RPL30: variants seen among roughly 807,000 people sequenced by gnomAD.
The protein encoded by RPL30 is large ribosomal subunit protein eL30.
For synonymous variants in RPL30, 40 were observed against 50.4 expected (o/e 0.79, Z 0.87); for missense variants, 60 against 138.0 (o/e 0.43, Z 2.83).
At chr8:98,041,871 A>AACT in intron 4 of RPL30, 21 bp from the exon 5 acceptor site, 1 of 1,540,246 alleles carries the variant, frequency 6.5e-7, no homozygotes, top group Non-Finnish European at 8.9e-7. Flanking sequence ...AAAATAAAAA[A>AACT]ACAGTAATTT....
chr8:98,042,008 T>G (rs1338168210), intron 4 of RPL30, 158 bp from the exon 5 acceptor site: 2 of 719,858 alleles, frequency 2.8e-6, no homozygotes, highest in Non-Finnish European at 5.0e-6. Flanking sequence ...GTACTGTCAT[T>G]TTTCTTAAGG....
intron 3 of RPL30, chr8:98,044,463 G>A (rs1814439180): frequency 6.4e-6 from 1 of 155,434 alleles, no homozygotes; most frequent in Non-Finnish European, 1.4e-5. Flanking sequence ...TTTCAAAACA[G>A]TGAGTCAAGC....
At chr8:98,043,026 A>G (rs925947498) in intron 3 of RPL30, 1 of 310,234 alleles carries the variant, frequency 3.2e-6, no homozygotes, top group Non-Finnish European at 5.9e-6. Flanking sequence ...ATCAATACTC[A>G]CGGAAGAGGG....
chr8:98,045,291 T>C (rs931005965), intron 2 of RPL30, 56 bp downstream of exon 2: 1 of 1,613,044 alleles, frequency 6.2e-7, no homozygotes, highest in Non-Finnish European at 8.5e-7. Context: ...CTGCCCGCCC[T>C]GGCCAAGACA....
chr8:98,042,627 A>C lies in RPL30; in HGVS notation c.298+18T>G. The C allele has an allele frequency of 6.5e-7, 1 of 1,549,326 alleles. No homozygotes were observed. The highest frequency in any genetic ancestry group is 1.2e-5 in the South Asian group (1 of 85,644). On this transcript the variant is annotated intron_variant, in intron 4 of 4. Coordinates refer to ENST00000287038, the MANE Select transcript of RPL30 (RefSeq NM_000989.4). ...GAAAGGCAAAAAAAAAAAAGACTTT[A>C]TGATTTAAAAAGCATACCTGGATCA...
chr8:98,045,180 T>G (rs1186355413), intron 2 of RPL30, 92 bp from the exon 3 acceptor site: 1 of 1,560,132 alleles, frequency 6.4e-7, no homozygotes, highest in African/African-American at 1.4e-5. Flanking sequence ...CCCCTTAAAC[T>G]TCCGAAGTCG....
Position 98,042,707 on chromosome 8 carries a change from A to G in RPL30, c.236T>C (p.Ile79Thr). The G allele has an allele frequency of 1.2e-6, 2 of 1,611,812 alleles. No homozygotes were observed. Among genetic ancestry groups the G allele is most frequent in the South Asian group, 1.1e-5 (1 of 90,456 alleles). ...TGVHHYSGNN[I>T]ELGTACGKYY... ...TTTTCCGCATGCTGTGCCCAGTTCA[A>G]TATTATTGCCACTGTAGTGATGGAC... is the stretch of plus-strand genomic sequence containing the variant. Residue 79 changes from isoleucine (I) to threonine (T), a missense_variant, in exon 4 of 5, where the codon ATT (isoleucine) becomes ACT (threonine). Ile to Thr is a moderately conservative substitution (Grantham distance 89). Transcript: ENST00000287038.
chr8:98,041,978 CAA>C (rs1037764177), intron 4 of RPL30, 128 bp from the exon 5 acceptor site: 13 of 731,480 alleles, frequency 1.8e-5, no homozygotes, highest in African/African-American at 1.6e-4. Flanking sequence ...TGACTTTTTG[CAA>C]AAGTTATCAC....
At chr8:98,042,612 A>AG in intron 4 of RPL30, 33 bp downstream of exon 4, 1 of 1,588,836 alleles carries the variant, frequency 6.3e-7, no homozygotes, top group Non-Finnish European at 8.5e-7. Context: ...GAAAGGCAAA[A>AG]AAAAAAAAGA....
Position 98,045,358 on chromosome 8 carries a change from C to A in RPL30, c.10G>T (p.Ala4Ser), listed in dbSNP as rs766416798. 1 of 1,614,176 alleles carries A rather than the reference C, an allele frequency of 6.2e-7. No individual in the cohort carries two copies. The highest frequency in any genetic ancestry group is 8.5e-7 in the Non-Finnish European group (1 of 1,180,024). ...CCCGCCTCACTCACCGTCTTCTTTGCGGCCACCATCTTCCTGCCTTAGGAG... is the reference window on the plus strand; with the variant it reads ...CCCGCCTCACTCACCGTCTTCTTTGAGGCCACCATCTTCCTGCCTTAGGAG... MVAAKKTKKSLESI... is the reference protein window; with the variant it reads MVASKKTKKSLESI... Residue 4 changes from alanine (A) to serine (S), a missense_variant, in exon 2 of 5, where the codon GCA becomes TCA. Physicochemically the swap from Ala to Ser is moderately conservative, Grantham distance 99. Coordinates refer to ENST00000287038, the MANE Select transcript of RPL30 (RefSeq NM_000989.4).
rs1814381959 is a variant in RPL30, at chr8:98,041,868, A to T, written c.299-18T>A. ...AGAGTCACCTAAAAAATAAAAATAA[A>T]AAAACAGTAATTTTACAATTCATTT... is the stretch of plus-strand genomic sequence containing the variant. On this transcript the variant is annotated intron_variant, in intron 4 of 4. Coordinates refer to ENST00000287038, the MANE Select transcript of RPL30 (RefSeq NM_000989.4). 1.4e-5 allele frequency: 22 copies of T among 1,548,716 alleles called. No individual in the cohort carries two copies. Among genetic ancestry groups the T allele is most frequent in the Non-Finnish European group, 1.9e-5 (22 of 1,133,558 alleles).
intron 4 of RPL30, chr8:98,042,181 G>T (rs541000389): frequency 2.8e-5 from 16 of 572,536 alleles, no homozygotes; most frequent in Non-Finnish European, 5.4e-5. Context: ...AGCCTGTCCT[G>T]ACTATTACAA....
At chr8:98,044,667 C>T (rs868397482) in intron 3 of RPL30, 15 of 393,414 alleles carry the variant, frequency 3.8e-5, no homozygotes, top group Non-Finnish European at 4.1e-5. Flanking sequence ...ATGGAAAAAA[C>T]AGTAATGTGT....
At position 98,045,488 on chromosome 8, in the gene RPL30, G is replaced by C; in HGVS notation, c.-33+20C>G. The C allele has an allele frequency of 8.7e-7, 1 of 1,148,102 alleles. No homozygotes were observed. Among genetic ancestry groups the C allele is most frequent in the East Asian group, 2.5e-5 (1 of 40,794 alleles). The allele number at this position is 1,148,102 out of a possible 1,614,324, so 71.1% of individuals were successfully genotyped here. A position where few individuals can be genotyped will look rare whatever the true frequency, so the allele number is the denominator to read the frequency against. ...AGCTCCCCGCGCTGCCTAAACCTCG[G>C]TCGGTAGGAGCCCACTCACCAACAG... On this transcript the variant is annotated intron_variant, in intron 1 of 4. Transcript: ENST00000287038.
Position 98,045,195 on chromosome 8 carries a change from C to A in RPL30, c.22-107G>T. 5 of 1,546,794 alleles carry A rather than the reference C, an allele frequency of 3.2e-6. No individual in the cohort carries two copies. In the South Asian group the frequency reaches 3.5e-5, roughly 11 times the overall value. On this transcript the variant is annotated intron_variant, in intron 2 of 4. Transcript: ENST00000287038. ...CCCCTTAAACTTCCGAAGTCGAGGA[C>A]CCCAAGTCATTGAGAGGGCCACTGG...
At chr8:98,045,317 C>T in intron 2 of RPL30, 30 bp downstream of exon 2, 1 of 1,614,080 alleles carries the variant, frequency 6.2e-7, no homozygotes, top group Non-Finnish European at 8.5e-7. Context: ...CCACGTGAAT[C>T]GTCTTCCGGG....
intron 3 of RPL30, 122 bp downstream of exon 3, chr8:98,044,821 C>CG (rs1320543756): frequency 8.8e-7 from 1 of 1,136,618 alleles, no homozygotes; most frequent in African/African-American, 1.6e-5. Context: ...ACACCACAAT[C>CG]GCTACCGTAA....
In RPL30 at chr8:98,041,865, TAAAA is replaced by T. The variant is rs746592489; in HGVS notation, c.299-19_299-16del. The T allele has an allele frequency of 1.3e-6, 2 of 1,558,786 alleles. No homozygotes were observed. Among genetic ancestry groups the T allele is most frequent in the Non-Finnish European group, 1.8e-6 (2 of 1,142,298 alleles). ...GTCAGAGTCACCTAAAAAATAAAAATAAAAAAACAGTAATTTTACAATTCATTTA... is the reference window on the plus strand; with the variant it reads ...GTCAGAGTCACCTAAAAAATAAAAATAAACAGTAATTTTACAATTCATTTA... On this transcript the variant is annotated splice_polypyrimidine_tract_variant and intron_variant, in intron 4 of 4. Coordinates refer to ENST00000287038, the MANE Select transcript of RPL30 (RefSeq NM_000989.4).
chr8:98,041,930 G>C, intron 4 of RPL30, 80 bp from the exon 5 acceptor site: 1 of 1,052,064 alleles, frequency 9.5e-7, no homozygotes, highest in Non-Finnish European at 1.4e-6. Context: ...TCTACCTTTG[G>C]TTATCCCTTC....
Sources: gnomAD v4.1 joint callset for allele counts on GRCh38, gnomAD v4.1.1 for gene constraint, MANE v1.5 for transcripts, NCBI Gene and HGNC (gene_info 2026-07-23, HGNC 2026-07-21) for gene names.